Variants in ZNF618 observed in about 807,000 individuals in gnomAD.
The protein encoded by ZNF618 is zinc finger protein 618, also known as neural precursor cell expressed, developmentally down-regulated 10.
A neutral mutation model predicts 103.0 loss-of-function variants in ZNF618; 34 were observed. The observed-to-expected ratio is 0.33, with a 90% confidence interval of 0.25 to 0.44. The LOEUF (loss-of-function observed/expected upper bound fraction) is 0.44. Among genes scored for constraint, ZNF618 ranks in the 20% least tolerant of loss-of-function variants. The probability of loss-of-function intolerance (pLI) is 1.00; values close to 1 mark genes in which losing one functional copy is unlikely to be tolerated. For missense variants in ZNF618, 1,059 were observed against 1,295.4 expected (o/e 0.82, Z 2.80); for synonymous variants, 551 against 542.2 (o/e 1.02, Z -0.23).
rs1296634237 is a variant in ZNF618 at position 113,988,384 on chromosome 9, G to T, written c.141G>T (p.Glu47Asp). The change falls in exon 3 of 15, where the codon GAG (glutamate) becomes GAT (aspartate). Residue 47 changes from glutamate (E) to aspartate (D), a missense_variant. Coordinates refer to ENST00000374126, the MANE Select transcript of ZNF618 (RefSeq NM_001318042.2). ...KVEGPEPVPA[E>D]ASLSAEQGTM... ...AGGGCCCAGAGCCAGTGCCAGCCGA[G>T]GCCTCGCTGAGTGCCGAGCAAGGAA... The T allele has an allele frequency of 6.2e-7, 1 of 1,613,480 alleles. No homozygotes were observed. Among genetic ancestry groups the T allele is most frequent in the African/African-American group, 1.3e-5 (1 of 74,946 alleles).
intron 1 of ZNF618, among the ~76,000 whole-genome samples, chr9:113,878,149 A>G (rs527422628): frequency 6.6e-6 from 1 of 150,434 alleles, no homozygotes; most frequent in African/African-American, 2.4e-5. Context: ...AGGGGGAAAA[A>G]TCCATTAGCC....
chr9:113,940,410 C>T (rs1208821552), intron 1 of ZNF618, among the ~76,000 whole-genome samples: 1 of 151,938 alleles, frequency 6.6e-6, no homozygotes, highest in African/African-American at 2.4e-5. Context: ...GTTTTTTATC[C>T]TCATGTTCTG....
Position 113,876,422 on chromosome 9 carries a change from G to T in ZNF618, c.33+9G>T. On this transcript the variant is annotated intron_variant, in intron 1 of 14. Transcript: ENST00000374126. ...GCGCGGCGGCTCCGCAGGTACGACG[G>T]GGGGCCGGGGGCATGCACCGCGCGG... is the stretch of plus-strand genomic sequence containing the variant. The T allele has an allele frequency of 1.7e-6, 2 of 1,202,728 alleles. No homozygotes were observed. The highest frequency in any genetic ancestry group is 2.1e-6 in the Non-Finnish European group (2 of 969,220). 74.5% of individuals were successfully genotyped at this position (1,202,728 alleles called of 1,614,324 possible). A position where few individuals can be genotyped will look rare whatever the true frequency, so the allele number is the denominator to read the frequency against.
intron 1 of ZNF618, among the ~76,000 whole-genome samples, chr9:113,912,602 G>T (rs1831654663): frequency 6.6e-6 from 1 of 152,190 alleles, no homozygotes; most frequent in African/African-American, 2.4e-5. Flanking sequence ...TATAAGCTCT[G>T]CTGGTGTCAG....
intron 7 of ZNF618, 24 bp from the exon 8 acceptor site, chr9:114,008,320 C>T: frequency 6.2e-7 from 1 of 1,612,944 alleles, no homozygotes; most frequent in Non-Finnish European, 8.5e-7. Context: ...CCTTCTGCGG[C>T]TGCCGCCTCC....
intron 10 of ZNF618, among the ~76,000 whole-genome samples, chr9:114,020,003 T>G (rs1477204613): frequency 6.6e-6 from 1 of 152,226 alleles, no homozygotes; most frequent in African/African-American, 2.4e-5. Flanking sequence ...TGTGATATAT[T>G]TCAACTTAAC....
At chr9:113,911,720 C>T (rs1831566207) in intron 1 of ZNF618, among the ~76,000 whole-genome samples, 1 of 152,072 alleles carries the variant, frequency 6.6e-6, no homozygotes, top group Non-Finnish European at 1.5e-5. Flanking sequence ...TTCCTGTTTC[C>T]CAGTGTTATT....
Position 113,969,154 on chromosome 9 carries a change from C to A in ZNF618, c.71C>A (p.Ala24Glu), listed in dbSNP as rs143368881. The A allele has an allele frequency of 6.2e-7, 1 of 1,613,926 alleles. No homozygotes were observed. The highest frequency in any genetic ancestry group is 1.6e-4 in the Middle Eastern group (1 of 6,062). The change falls in exon 2 of 15, where the codon GCG (alanine) becomes GAG (glutamate). Residue 24 changes from alanine to glutamate, a missense_variant. Physicochemically the swap from Ala to Glu is moderately radical, Grantham distance 107. Transcript: ENST00000374126. The stretch of plus-strand genomic sequence containing the variant: ...AGTGCAGCCGGAAGGAAAAGCACTG[C>A]GAGCAGGTACACTCCCTCTCCCGCC... Reference protein sequence around the residue: ...GASAAGRKSTASRERLKRSQK... With the variant: ...GASAAGRKSTESRERLKRSQK...
intron 14 of ZNF618, 47 bp downstream of exon 14, chr9:114,048,041 C>A: frequency 6.8e-7 from 1 of 1,476,274 alleles, no homozygotes; most frequent in Non-Finnish European, 9.3e-7. Flanking sequence ...CCTTATGCTC[C>A]AGTTGTTCCT....
At chr9:113,957,579 C>A (rs775703765) in intron 1 of ZNF618, among the ~76,000 whole-genome samples, 1 of 152,264 alleles carries the variant, frequency 6.6e-6, no homozygotes, top group East Asian at 1.9e-4. Flanking sequence ...GTGAGGCCGT[C>A]CAGACATGCC....
chr9:113,881,378 T>C (rs1471745122), intron 1 of ZNF618, among the ~76,000 whole-genome samples: 3 of 152,152 alleles, frequency 2.0e-5, no homozygotes, highest in Non-Finnish European at 2.9e-5. Flanking sequence ...GAGCCACATA[T>C]ATAATTTTTA....
intron 2 of ZNF618, among the ~76,000 whole-genome samples, chr9:113,984,540 C>T (rs1405323996): frequency 6.6e-6 from 1 of 152,234 alleles, no homozygotes; most frequent in Non-Finnish European, 1.5e-5. Flanking sequence ...CTCCTCCCTT[C>T]CCCTACCAGG....
At position 114,016,710 on chromosome 9, in the gene ZNF618, C is replaced by A. The variant is rs376455266; in HGVS notation, c.770C>A (p.Thr257Asn). The A allele has an allele frequency of 1.5e-5, 25 of 1,613,588 alleles. No individual in the cohort carries two copies. Among genetic ancestry groups the A allele is most frequent in the Non-Finnish European group, 2.0e-5 (24 of 1,179,786 alleles). Residue 257 changes from threonine (T) to asparagine (N), a missense_variant, in exon 10 of 15, where the codon ACC (threonine) becomes AAC (asparagine). By Grantham distance (65) the Thr-to-Asn change is moderately conservative. Coordinates refer to ENST00000374126, the MANE Select transcript of ZNF618 (RefSeq NM_001318042.2). ...QKIGPKTGNY[T>N]CEFCGKQYKY... ...TCCTGGACAGAAACTGGCAATTACA[C>A]CTGTGAATTCTGCGGCAAACAGTAC...
intron 1 of ZNF618, among the ~76,000 whole-genome samples, chr9:113,901,341 G>A (rs1587982694): frequency 6.6e-6 from 1 of 152,166 alleles, no homozygotes; most frequent in East Asian, 1.9e-4. Flanking sequence ...CTCCTGTCTA[G>A]GCAGCTGTTG....
intron 1 of ZNF618, among the ~76,000 whole-genome samples, chr9:113,924,895 G>A (rs1311483478): frequency 2.0e-5 from 3 of 151,854 alleles, no homozygotes; most frequent in East Asian, 1.9e-4. Flanking sequence ...CAGATTTTGT[G>A]TGGTTTCTGT....
chr9:113,940,397 T>G (rs901727944), intron 1 of ZNF618, among the ~76,000 whole-genome samples: 1 of 152,154 alleles, frequency 6.6e-6, no homozygotes, highest in African/African-American at 2.4e-5. Context: ...CTTATTACTG[T>G]GTGTTTTTTA....
At chr9:114,039,356 T>TA (rs58895378) in intron 13 of ZNF618, among the ~76,000 whole-genome samples, 4 of 144,308 alleles carry the variant, frequency 2.8e-5, no homozygotes, top group Admixed American at 6.9e-5. Flanking sequence ...TTTTTTTTTT[T>TA]TTTCCTTTGA....
At chr9:114,013,632 C>A (rs1055333879) in intron 9 of ZNF618, among the ~76,000 whole-genome samples, 1 of 152,100 alleles carries the variant, frequency 6.6e-6, no homozygotes, top group Admixed American at 6.5e-5. Flanking sequence ...GGGGTTTCAC[C>A]GTGTTAGCCA....
Position 114,052,317 on chromosome 9 carries a change from CTG to C in ZNF618, c.*2153_*2154del, listed in dbSNP as rs1403475771. Reference sequence around the variant, plus strand: ...CCATTTCCACATTTGCTCCAGCAAACTGTGGTCTCAGGAACTACCATGCCATT... The same window carrying C: ...CCATTTCCACATTTGCTCCAGCAAACTGGTCTCAGGAACTACCATGCCATT... On this transcript the variant is annotated 3_prime_UTR_variant, in exon 15 of 15. Transcript: ENST00000374126. 1 of 152,626 alleles carries C rather than the reference CTG, an allele frequency of 6.6e-6. No homozygotes were observed. Among genetic ancestry groups the C allele is most frequent in the African/African-American group, 2.4e-5 (1 of 41,444 alleles). 9.5% of individuals were successfully genotyped at this position (152,626 alleles called of 1,614,324 possible).
Sources: allele counts gnomAD v4.1 joint callset (sites outside exome capture counted in the v4.1 genomes callset), GRCh38; gene constraint gnomAD v4.1.1; transcripts MANE v1.5; gene names NCBI Gene and HGNC (gene_info 2026-07-23, HGNC 2026-07-21).